The following LRP1B variants were observed in gnomAD, a reference collection of about 807,000 sequenced individuals.
The protein encoded by LRP1B is low-density lipoprotein receptor-related protein 1B.
In LRP1B, 217 loss-of-function variants were observed where a neutral mutation model predicts 556.6. The ratio of observed to expected loss-of-function variants is 0.39; its 90% CI spans 0.35 to 0.44. The LOEUF (loss-of-function observed/expected upper bound fraction) is 0.44. Ranked by LOEUF, LRP1B falls within the 20% of genes least tolerant of loss-of-function variation. The probability of loss-of-function intolerance (pLI) is 1.00; values close to 1 mark genes in which losing one functional copy is unlikely to be tolerated. For synonymous variants in LRP1B, 2,047 were observed against 1,865.8 expected (o/e 1.10, Z -2.50); for missense variants, 5,053 against 5,620.8 (o/e 0.90, Z 3.23).
Position 140,701,730 on chromosome 2 carries a change from T to C in LRP1B, c.6418A>G (p.Arg2140Gly). Residue 2140 changes from arginine (R) to glycine (G), a missense_variant, in exon 40 of 91, where the codon AGA becomes GGA. Physicochemically the swap from Arg to Gly is moderately radical, Grantham distance 125. This residue lies in a region of LRP1B where 3,619 missense variants were observed against 3,931.9 expected (regional missense o/e 0.92). Coordinates refer to ENST00000389484, the MANE Select transcript of LRP1B (RefSeq NM_018557.3). ...LKEVKIFNRV[R>G]EKGTNVCARD... ...TTTCAAGAGTGCTGACCTTTCTCTC[T>C]TACTCGGTTAAATATTTTAACCTCC... 1 of 1,612,600 alleles carries C rather than the reference T, an allele frequency of 6.2e-7. No homozygotes were observed. Among genetic ancestry groups the C allele is most frequent in the South Asian group, 1.1e-5 (1 of 91,034 alleles).
In LRP1B at chr2:140,876,035, C is replaced by T. The variant is rs148596059; in HGVS notation, c.4170-7772G>A. On this transcript the variant is annotated intron_variant, in intron 25 of 90. Coordinates refer to ENST00000389484, the MANE Select transcript of LRP1B (RefSeq NM_018557.3). ...TGGTTTTATAATCAGCTATAAAACT[C>T]TAACAGATGCTCTTGAATCCAGTTT... 1.5e-4 allele frequency among the ~76,000 whole-genome samples: 23 copies of T among 152,162 alleles called. No individual in the cohort carries two copies. The East Asian group carries it at 4.3e-3, about 28-fold the overall frequency.
At chr2:142,000,487 A>G (rs1280255488) in intron 1 of LRP1B, among the ~76,000 whole-genome samples, 2 of 152,204 alleles carry the variant, frequency 1.3e-5, no homozygotes, top group East Asian at 3.9e-4. Flanking sequence ...CAAATTTCAA[A>G]GAACTATACA....
chr2:140,996,157 T>C (rs1260576821), intron 15 of LRP1B, among the ~76,000 whole-genome samples: 5 of 152,006 alleles, frequency 3.3e-5, no homozygotes, highest in African/African-American at 1.2e-4. Flanking sequence ...GTTCTTGACA[T>C]AAGAATTTTT....
intron 1 of LRP1B, among the ~76,000 whole-genome samples, chr2:142,050,411 A>T (rs1704414607): frequency 6.6e-6 from 1 of 152,112 alleles, no homozygotes; most frequent in East Asian, 1.9e-4. Context: ...ACAATAGGAA[A>T]ACATTGTTTT....
At chr2:141,412,658 A>G (rs1018330027) in intron 3 of LRP1B, among the ~76,000 whole-genome samples, 5 of 152,198 alleles carry the variant, frequency 3.3e-5, no homozygotes, top group Non-Finnish European at 4.4e-5. Flanking sequence ...ACAATGCAAC[A>G]TATTTCCAAA....
intron 1 of LRP1B, among the ~76,000 whole-genome samples, chr2:141,998,213 TTAG>T (rs1702553769): frequency 6.6e-6 from 1 of 152,126 alleles, no homozygotes; most frequent in South Asian, 2.1e-4. Context: ...TTATAAAATC[TTAG>T]TAGATTTCTA....
chr2:140,990,338 T>A (rs1478061519), intron 16 of LRP1B, among the ~76,000 whole-genome samples: 3 of 152,122 alleles, frequency 2.0e-5, no homozygotes, highest in African/African-American at 7.2e-5. Context: ...ATAACAAGTA[T>A]GTATTGAAAA....
At chr2:141,559,472 G>C (rs199536572) in intron 2 of LRP1B, among the ~76,000 whole-genome samples, 1 of 151,604 alleles carries the variant, frequency 6.6e-6, no homozygotes, top group Admixed American at 6.6e-5. Context: ...GTCTGTTCTT[G>C]TTATCACATC....
At chr2:140,236,278 C>G (rs1201093391) in intron 89 of LRP1B, among the ~76,000 whole-genome samples, 1 of 150,728 alleles carries the variant, frequency 6.6e-6, no homozygotes, top group Non-Finnish European at 1.5e-5. Flanking sequence ...ACACCAATGA[C>G]TGTGATTGCA....
chr2:141,181,863 A>C (rs1681013313), intron 7 of LRP1B, among the ~76,000 whole-genome samples: 1 of 146,796 alleles, frequency 6.8e-6, no homozygotes, highest in Non-Finnish European at 1.5e-5. Flanking sequence ...CTTAACAAAA[A>C]ATTTAATTAA....
chr2:141,159,993 G>C (rs983651921), intron 7 of LRP1B, among the ~76,000 whole-genome samples: 5 of 152,028 alleles, frequency 3.3e-5, no homozygotes, highest in African/African-American at 1.2e-4. Flanking sequence ...GGCCTGTTGA[G>C]GGGTGGGAGG....
At chr2:141,774,019 G>A (rs764645666) in intron 2 of LRP1B, among the ~76,000 whole-genome samples, 6 of 152,160 alleles carry the variant, frequency 3.9e-5, no homozygotes, top group African/African-American at 9.7e-5. Flanking sequence ...ACAACAACTC[G>A]TGATGGCTGA....
chr2:141,664,192 T>C (rs1475148790), intron 2 of LRP1B, among the ~76,000 whole-genome samples: 1 of 152,186 alleles, frequency 6.6e-6, no homozygotes, highest in East Asian at 1.9e-4. Flanking sequence ...TCAATGTCCC[T>C]TCATGTTAAA....
intron 42 of LRP1B, among the ~76,000 whole-genome samples, chr2:140,600,553 T>A (rs946900859): frequency 6.6e-6 from 1 of 151,778 alleles, no homozygotes; most frequent in Non-Finnish European, 1.5e-5. Flanking sequence ...TTCTTCAATC[T>A]TTTTTTTGTT....
Position 141,023,252 on chromosome 2 carries a change from G to C in LRP1B, c.1790-3150C>G, listed in dbSNP as rs1486224422. 2.0e-5 allele frequency among the ~76,000 whole-genome samples: 3 copies of C among 151,908 alleles called. No homozygotes were observed. In the East Asian group the frequency reaches 5.8e-4, roughly 30 times the overall value. On this transcript the variant is annotated intron_variant, in intron 11 of 90. Transcript: ENST00000389484. ...ATATGAATGGAGTAATATATAAATA[G>C]TGCATTAAACACCCACACACTCACA...
chr2:140,809,267 A>T (rs1690835608), intron 32 of LRP1B, among the ~76,000 whole-genome samples: 1 of 152,200 alleles, frequency 6.6e-6, no homozygotes, highest in Non-Finnish European at 1.5e-5. Context: ...TTTAAAAAAG[A>T]TTACTTGCTA....
intron 2 of LRP1B, among the ~76,000 whole-genome samples, chr2:141,597,318 G>C (rs1312068427): frequency 6.6e-6 from 1 of 151,840 alleles, no homozygotes; most frequent in Admixed American, 6.6e-5. Flanking sequence ...TCTGTCTCAA[G>C]TTTTTCTCTT....
chr2:140,936,497 T>G (rs1412183658), intron 20 of LRP1B, among the ~76,000 whole-genome samples: 1 of 151,772 alleles, frequency 6.6e-6, no homozygotes, highest in Non-Finnish European at 1.5e-5. Flanking sequence ...AACAAAAGCT[T>G]AGGGAGTTCC....
At chr2:140,343,677 T>C (rs948080920) in intron 77 of LRP1B, among the ~76,000 whole-genome samples, 2 of 151,698 alleles carry the variant, frequency 1.3e-5, no homozygotes, top group African/African-American at 4.8e-5. Flanking sequence ...AAAACCCTAG[T>C]GACATACAAG....
Sources: allele counts gnomAD v4.1 joint callset (sites outside exome capture counted in the v4.1 genomes callset), GRCh38; gene constraint gnomAD v4.1.1; regional missense constraint gnomAD v4.1.1; transcripts MANE v1.5; gene names NCBI Gene and HGNC (gene_info 2026-07-23, HGNC 2026-07-21).